LEMD2: variants seen among roughly 807,000 people sequenced by gnomAD.
LEMD2 encodes the protein LEM domain-containing protein 2.
A neutral mutation model predicts 58.8 loss-of-function variants in LEMD2; 34 were observed. That is an observed-to-expected ratio of 0.58 (90% CI 0.44 to 0.77). The LOEUF (loss-of-function observed/expected upper bound fraction) is 0.77. Among genes scored for constraint, LEMD2 ranks in the 30% least tolerant of loss-of-function variants. The pLI is 0.00. For missense variants in LEMD2, 629 were observed against 717.9 expected (o/e 0.88, Z 1.42); for synonymous variants, 298 against 308.9 (o/e 0.96, Z 0.37).
In LEMD2 at chr6:33,772,797, G is replaced by C. The variant is rs959989427; in HGVS notation, c.1362-19C>G. The C allele has an allele frequency of 6.2e-7, 1 of 1,609,374 alleles. No individual in the cohort carries two copies. The highest frequency in any genetic ancestry group is 8.5e-7 in the Non-Finnish European group (1 of 1,177,850). On this transcript the variant is annotated intron_variant, in intron 8 of 8. Transcript: ENST00000293760. ...GCGCCTCCTGCAATGAGAGGGACGG[G>C]GCTCTGCCTGGCACTGCCGAGGTGA...
intron 8 of LEMD2, among the ~76,000 whole-genome samples, chr6:33,774,032 T>C (rs1287426722): frequency 6.6e-6 from 1 of 152,202 alleles, no homozygotes; most frequent in Non-Finnish European, 1.5e-5. Context: ...GCACGAAGGC[T>C]TGGGTGGTAG....
chr6:33,783,361 G>A (rs1047781458), intron 3 of LEMD2, among the ~76,000 whole-genome samples: 4 of 152,156 alleles, frequency 2.6e-5, no homozygotes, highest in Admixed American at 6.5e-5. Context: ...ATGCTCATGA[G>A]ATTGACCCTG....
chr6:33,776,599 A>G (rs1332284809), intron 8 of LEMD2: 1 of 299,040 alleles, frequency 3.3e-6, no homozygotes, highest in Non-Finnish European at 6.6e-6. Flanking sequence ...CCTGGAGCCC[A>G]TGCAGCTCTG....
rs59520978 is a variant in LEMD2, at chr6:33,774,430, A to ATT, written c.1362-1654_1362-1653dup. ...TGTGATCTGCCCGCCTTGGTCTCCC[A>ATT]TTTTTTTTTTTTTTTTTGAGACAGG... On this transcript the variant is annotated intron_variant, in intron 8 of 8. Transcript: ENST00000293760. Among the ~76,000 whole-genome samples the ATT allele has an allele frequency of 4.5e-3, 545 of 121,350 alleles. 15 individuals carry two copies. Among genetic ancestry groups the ATT allele is most frequent in the African/African-American group, 0.016 (500 of 30,900 alleles). The allele number at this position is 121,350 out of a possible 152,430, so 79.6% of individuals were successfully genotyped here.
chr6:33,788,428 CA>C lies in LEMD2; in HGVS notation c.688del (p.Trp230GlyfsTer2). 6.3e-7 allele frequency: 1 copy of C among 1,586,944 alleles called. No individual in the cohort carries two copies. The highest frequency in any genetic ancestry group is 1.8e-5 in the Admixed American group (1 of 57,008). Reference sequence around the variant, plus strand: ...CGCTGAGGGCTTGCCCATCTTCACCCAAAGGATGCCCAGGAAGACGAGCAGT... The same window carrying C: ...CGCTGAGGGCTTGCCCATCTTCACCCAAGGATGCCCAGGAAGACGAGCAGT... The part of the protein sequence containing the change: ...GLLLVFLGIL[W>X]VKMGKPSAPQ... On this transcript the variant is annotated frameshift_variant, in exon 1 of 9. Transcript: ENST00000293760. LOFTEE classifies it high-confidence loss of function.
chr6:33,772,588 C>T lies in LEMD2; in HGVS notation c.*40G>A, dbSNP rs1561921057. The T allele has an allele frequency of 1.3e-6, 2 of 1,596,252 alleles. No homozygotes were observed. The highest frequency in any genetic ancestry group is 2.3e-5 in the South Asian group (2 of 87,446). ...CTCCTGTGCCTCTGGAGTGGGCTGTCCTGGGACAGGCTGACCGGGAACAAG... is the reference window on the plus strand; with the variant it reads ...CTCCTGTGCCTCTGGAGTGGGCTGTTCTGGGACAGGCTGACCGGGAACAAG... On this transcript the variant is annotated 3_prime_UTR_variant, in exon 9 of 9. Coordinates refer to ENST00000293760, the MANE Select transcript of LEMD2 (RefSeq NM_181336.4).
chr6:33,776,165 G>A (rs1767425229), intron 8 of LEMD2, among the ~76,000 whole-genome samples: 1 of 152,250 alleles, frequency 6.6e-6, no homozygotes, highest in Non-Finnish European at 1.5e-5. Flanking sequence ...CCCCATTCAT[G>A]TTGTGAAACT....
At chr6:33,779,473 A>T (rs571893643) in intron 5 of LEMD2, 1 of 151,942 alleles carries the variant, frequency 6.6e-6, no homozygotes, top group East Asian at 1.9e-4. Context: ...CGAGAGTGGG[A>T]AGTGGGGAAG....
chr6:33,781,005 A>C, intron 4 of LEMD2, 72 bp downstream of exon 4: 1 of 1,053,270 alleles, frequency 9.5e-7, no homozygotes, highest in South Asian at 1.4e-5. Flanking sequence ...CAAAAACCCC[A>C]ACAGGGCTTG....
intron 3 of LEMD2, 116 bp from the exon 4 acceptor site, chr6:33,781,269 G>A (rs111646666): frequency 1.6e-5 from 11 of 670,654 alleles, no homozygotes; most frequent in African/African-American, 3.6e-5. Flanking sequence ...GTTGCCCAGC[G>A]GCTCCTGGCT....
At chr6:33,775,031 G>A (rs146489398) in intron 8 of LEMD2, among the ~76,000 whole-genome samples, 12 of 152,312 alleles carry the variant, frequency 7.9e-5, no homozygotes, top group East Asian at 1.9e-4. Context: ...GCAAGGCAGC[G>A]GGATCACCTG....
intron 8 of LEMD2, 200 bp downstream of exon 8, chr6:33,776,754 A>T: frequency 1.6e-6 from 1 of 606,282 alleles, no homozygotes; most frequent in East Asian, 2.8e-5. Flanking sequence ...GTGCTTTCAT[A>T]TGTCTTTTCT....
Position 33,778,892 on chromosome 6 carries a change from C to T in LEMD2, c.1011-505G>A, listed in dbSNP as rs1171689235. On this transcript the variant is annotated intron_variant, in intron 5 of 8. Transcript: ENST00000293760. The surrounding 1 kb of genome is among the most constrained non-coding windows in gnomAD (Gnocchi z 4.7). ...CTCATGGGGAATGAAAACCACCAGG[C>T]TCTCCGAGGCCAGACCCCAGCCACG... 3 of 152,258 alleles carry T rather than the reference C, an allele frequency of 2.0e-5. No homozygotes were observed. The highest frequency in any genetic ancestry group is 4.4e-5 in the Non-Finnish European group (3 of 68,086). 9.4% of individuals were successfully genotyped at this position (152,258 alleles called of 1,614,324 possible).
intron 8 of LEMD2, 122 bp from the exon 9 acceptor site, chr6:33,772,900 G>T: frequency 1.1e-6 from 1 of 877,676 alleles, no homozygotes; most frequent in Non-Finnish European, 1.7e-6. Flanking sequence ...GAGAGGAAAA[G>T]CTGGCAGGTA....
At chr6:33,774,168 CTTTTT>C (rs11349649) in intron 8 of LEMD2, among the ~76,000 whole-genome samples, 2 of 115,364 alleles carry the variant, frequency 1.7e-5, no homozygotes, top group Admixed American at 9.4e-5. Flanking sequence ...TAGGCACTGA[CTTTTT>C]TTTTTTTTTT....
Position 33,789,004 on chromosome 6 carries a change from A to G in LEMD2, c.113T>C (p.Leu38Pro). 1 of 1,551,332 alleles carries G rather than the reference A, an allele frequency of 6.4e-7. No homozygotes were observed. The highest frequency in any genetic ancestry group is 1.4e-5 in the African/African-American group (1 of 70,358). The change falls in exon 1 of 9, where the codon CTG (leucine) becomes CCG (proline). Residue 38 changes from leucine (L) to proline (P), a missense_variant. This residue lies in a region of LEMD2 where 386 missense variants were observed against 381.1 expected (regional missense o/e 1.01). Coordinates refer to ENST00000293760, the MANE Select transcript of LEMD2 (RefSeq NM_181336.4). ...GTCGCGCAGCCGGGCCTCGCCCCGC[A>G]GGCGGCGCAGCTTGTTGCGGTAGAC... ...RDVYRNKLRR[L>P]RGEARLRDEE...
At position 33,788,848 on chromosome 6, in the gene LEMD2, GA is replaced by G; in HGVS notation, c.268del (p.Ser90ProfsTer26). Reference protein sequence around the residue: ...AASPRAEPWLSQPASGSAYAT... With the variant: ...AASPRAEPWLXQPASGSAYAT... ...GTAGGCCGAGCCCGAGGCCGGCTGG[GA>G]GAGCCAGGGCTCCGCCCGCGGAGAG... is the stretch of plus-strand genomic sequence containing the variant. On this transcript the variant is annotated frameshift_variant, in exon 1 of 9. Transcript: ENST00000293760. LOFTEE classifies it high-confidence loss of function. 1 of 1,402,932 alleles carries G rather than the reference GA, an allele frequency of 7.1e-7. No individual in the cohort carries two copies. The allele number at this position is 1,402,932 out of a possible 1,614,324, so 86.9% of individuals were successfully genotyped here.
chr6:33,772,566 C>T lies in LEMD2; in HGVS notation c.*62G>A. Reference sequence around the variant, plus strand: ...CAGCACCGCAGGCCTGGTGACCCTCCTGTGCCTCTGGAGTGGGCTGTCCTG... The same window carrying T: ...CAGCACCGCAGGCCTGGTGACCCTCTTGTGCCTCTGGAGTGGGCTGTCCTG... On this transcript the variant is annotated 3_prime_UTR_variant, in exon 9 of 9. Transcript: ENST00000293760. 2.0e-6 allele frequency: 3 copies of T among 1,535,178 alleles called. No individual in the cohort carries two copies. Among genetic ancestry groups the T allele is most frequent in the Non-Finnish European group, 2.7e-6 (3 of 1,128,174 alleles).
At position 33,778,164 on chromosome 6, in the gene LEMD2, A is replaced by C; in HGVS notation, c.1156+78T>G. The C allele has an allele frequency of 7.2e-7, 1 of 1,391,256 alleles. No homozygotes were observed. The highest frequency in any genetic ancestry group is 9.5e-7 in the Non-Finnish European group (1 of 1,047,914). 86.2% of individuals were successfully genotyped at this position (1,391,256 alleles called of 1,614,324 possible). The stretch of plus-strand genomic sequence containing the variant: ...ACAGAAATGAACCCTCCGGGCCTGG[A>C]ATTTCTATAGCTCATCATTCATGCC... On this transcript the variant is annotated intron_variant, in intron 6 of 8. Transcript: ENST00000293760. The surrounding 1 kb of genome is among the most constrained non-coding windows in gnomAD (Gnocchi z 4.7).
Sources: allele counts gnomAD v4.1 joint callset (sites outside exome capture counted in the v4.1 genomes callset), GRCh38; gene constraint gnomAD v4.1.1; regional missense constraint gnomAD v4.1.1; non-coding constraint Gnocchi (gnomAD v3.1); transcripts MANE v1.5; gene names NCBI Gene and HGNC (gene_info 2026-07-23, HGNC 2026-07-21).